The following LAMA2 variants were observed in gnomAD, a reference collection of about 807,000 sequenced individuals.
LAMA2 encodes the protein laminin subunit alpha 2.
A neutral mutation model predicts 364.8 loss-of-function variants in LAMA2; 269 were observed. The observed-to-expected ratio is 0.74, with a 90% CI of 0.67 to 0.82. The LOEUF (loss-of-function observed/expected upper bound fraction) is 0.82. Among genes scored for constraint, LAMA2 ranks in the 40% least tolerant of loss-of-function variants. LAMA2 has a pLI of 0.00. For synonymous variants in LAMA2, 1,379 were observed against 1,370.6 expected (o/e 1.01, Z -0.14); for missense variants, 3,807 against 3,873.2 (o/e 0.98, Z 0.45).
intron 12 of LAMA2, among the ~76,000 whole-genome samples, chr6:129,249,839 C>T (rs2114275035): frequency 6.6e-6 from 1 of 152,232 alleles, no homozygotes; most frequent in South Asian, 2.1e-4. Flanking sequence ...TGCTGTTTGG[C>T]TTCATGGAAC....
chr6:128,949,230 C>T (rs9482959), intron 1 of LAMA2, among the ~76,000 whole-genome samples: 7,636 of 152,200 alleles, frequency 0.05, 596 homozygotes, highest in African/African-American at 0.17. Context: ...AAAACCAGAC[C>T]TTGACTTTGT....
chr6:129,197,361 C>T (rs1562320865), intron 12 of LAMA2, among the ~76,000 whole-genome samples: 3 of 152,156 alleles, frequency 2.0e-5, no homozygotes, highest in South Asian at 4.1e-4. Flanking sequence ...TGACAAGAAC[C>T]GTGGCTTCCA....
chr6:129,440,959 G>A lies in LAMA2; in HGVS notation c.6229G>A (p.Ala2077Thr), dbSNP rs142264176. Residue 2077 changes from alanine (A) to threonine (T), a missense_variant, in exon 43 of 65, where the codon GCC (alanine) becomes ACC (threonine). By Grantham distance (58) the Ala-to-Thr change is moderately conservative. Coordinates refer to ENST00000421865, the MANE Select transcript of LAMA2 (RefSeq NM_000426.4). ...TTACAATAAACTAGCAGACAGCGTC[G>A]CCAAAACGAATGCTGTGGTTAAAGA... ...KNYNKLADSV[A>T]KTNAVVKDPS... 2.9e-4 allele frequency: 464 copies of A among 1,613,632 alleles called. No homozygotes were observed. Among genetic ancestry groups the A allele is most frequent in the Non-Finnish European group, 3.6e-4 (425 of 1,179,770 alleles).
intron 10 of LAMA2, among the ~76,000 whole-genome samples, chr6:129,183,748 G>A (rs1028918205): frequency 2.0e-5 from 3 of 151,734 alleles, no homozygotes; most frequent in African/African-American, 4.8e-5. Flanking sequence ...TCATTCTCAT[G>A]GCATAATCAC....
intron 4 of LAMA2, among the ~76,000 whole-genome samples, chr6:129,107,664 G>A (rs1038861961): frequency 7.2e-5 from 11 of 152,102 alleles, no homozygotes; most frequent in Non-Finnish European, 1.5e-4. Context: ...TTTATTTTAT[G>A]GAGGGTGTTA....
intron 3 of LAMA2, among the ~76,000 whole-genome samples, chr6:129,068,211 A>G (rs144016038): frequency 7.9e-5 from 12 of 152,378 alleles, no homozygotes; most frequent in African/African-American, 2.9e-4. Context: ...TGAGAATTAA[A>G]GGATTAAGTG....
At chr6:129,372,207 A>G (rs1173427780) in intron 34 of LAMA2, among the ~76,000 whole-genome samples, 2 of 152,124 alleles carry the variant, frequency 1.3e-5, no homozygotes, top group African/African-American at 4.8e-5. Flanking sequence ...TGTACATTCT[A>G]TGGGTTTGGA....
At position 129,483,224 on chromosome 6, in the gene LAMA2, T is replaced by TA. The variant is rs35206967; in HGVS notation, c.7749+1795dup. 5.2e-4 allele frequency among the ~76,000 whole-genome samples: 77 copies of TA among 148,718 alleles called. No individual in the cohort carries two copies. In the East Asian group the frequency reaches 6.3e-3, roughly 12 times the overall value. Reference sequence around the variant, plus strand: ...AGGAAGGAACTTCCTTAGCCATCTATAAAAAAAAAACTATAACAAGTATTC... The same window carrying TA: ...AGGAAGGAACTTCCTTAGCCATCTATAAAAAAAAAAACTATAACAAGTATTC... On this transcript the variant is annotated intron_variant, in intron 55 of 64. Coordinates refer to ENST00000421865, the MANE Select transcript of LAMA2 (RefSeq NM_000426.4).
chr6:129,189,305 G>A (rs866249176), intron 10 of LAMA2, among the ~76,000 whole-genome samples: 20 of 152,062 alleles, frequency 1.3e-4, no homozygotes, highest in Middle Eastern at 3.2e-3. Flanking sequence ...GAGAAAATGC[G>A]TATGTAGGGA....
intron 4 of LAMA2, among the ~76,000 whole-genome samples, chr6:129,129,587 G>A (rs1256408314): frequency 1.3e-5 from 2 of 152,170 alleles, no homozygotes; most frequent in South Asian, 2.1e-4. Flanking sequence ...CCAGAGTGGT[G>A]CATATCCTAC....
intron 15 of LAMA2, among the ~76,000 whole-genome samples, chr6:129,261,092 T>A (rs1045504792): frequency 6.6e-6 from 1 of 152,118 alleles, no homozygotes; most frequent in African/African-American, 2.4e-5. Context: ...ATTTGATCTA[T>A]TGTATGCTGG....
intron 1 of LAMA2, among the ~76,000 whole-genome samples, chr6:128,945,897 C>G (rs188366788): frequency 6.6e-6 from 1 of 152,306 alleles, no homozygotes; most frequent in Admixed American, 6.5e-5. Flanking sequence ...TAGTTTTCTT[C>G]AAGCTACTCA....
chr6:129,385,739 G>A (rs183411106), intron 35 of LAMA2, among the ~76,000 whole-genome samples: 70 of 152,174 alleles, frequency 4.6e-4, no homozygotes, highest in Admixed American at 6.5e-4. Context: ...GTGGACATAG[G>A]TAAACCCATT....
At chr6:129,095,300 C>T (rs573554859) in intron 3 of LAMA2, among the ~76,000 whole-genome samples, 63 of 152,222 alleles carry the variant, frequency 4.1e-4, no homozygotes, top group African/African-American at 1.4e-3. Flanking sequence ...CTATTTGTAG[C>T]ATTCTGTGTT....
At chr6:129,260,265 A>T (rs1181088986) in intron 14 of LAMA2, among the ~76,000 whole-genome samples, 1 of 152,126 alleles carries the variant, frequency 6.6e-6, no homozygotes, top group African/African-American at 2.4e-5. Context: ...AGAAAACAAA[A>T]TTGTTTCCAT....
In LAMA2 at chr6:129,219,930, G is replaced by T. The variant is rs189304345; in HGVS notation, c.1782+27077G>T. 3.5e-3 allele frequency among the ~76,000 whole-genome samples: 528 copies of T among 150,732 alleles called. 5 individuals carry two copies. Among genetic ancestry groups the T allele is most frequent in the African/African-American group, 0.012 (507 of 40,678 alleles). ...CACATGTATACATATGTAACTAACT[G>T]GCACATGGTGCACATGTACCCTAAA... On this transcript the variant is annotated intron_variant, in intron 12 of 64. Coordinates refer to ENST00000421865, the MANE Select transcript of LAMA2 (RefSeq NM_000426.4).
intron 4 of LAMA2, among the ~76,000 whole-genome samples, chr6:129,136,232 T>G (rs1055610504): frequency 6.6e-6 from 1 of 152,168 alleles, no homozygotes; most frequent in African/African-American, 2.4e-5. Context: ...AAGCTCATCT[T>G]GAGTAAGGGG....
chr6:129,073,820 C>A (rs1422706777), intron 3 of LAMA2, among the ~76,000 whole-genome samples: 1 of 152,084 alleles, frequency 6.6e-6, no homozygotes, highest in African/African-American at 2.4e-5. Context: ...ATAACTCTGA[C>A]GTTGGAAACA....
chr6:129,080,270 C>T (rs2114837299), intron 3 of LAMA2, among the ~76,000 whole-genome samples: 1 of 152,232 alleles, frequency 6.6e-6, no homozygotes, highest in Non-Finnish European at 1.5e-5. Flanking sequence ...CAAGATGAAT[C>T]CAGTTCTTTC....
Sources: gnomAD v4.1 joint callset for allele counts (sites outside exome capture counted in the v4.1 genomes callset) on GRCh38, gnomAD v4.1.1 for gene constraint, MANE v1.5 for transcripts, NCBI Gene and HGNC (gene_info 2026-07-23, HGNC 2026-07-21) for gene names.